KIF13A: variants seen among roughly 807,000 people sequenced by gnomAD.
The protein encoded by KIF13A is kinesin family member 13A.
Under a neutral mutation model 212.2 loss-of-function variants are expected in KIF13A, and 79 were observed. The observed-to-expected ratio is 0.37, with a 90% CI of 0.31 to 0.45. The LOEUF (loss-of-function observed/expected upper bound fraction) is 0.45. KIF13A is among the 20% of genes least tolerant of loss of function. The pLI is 1.00. For synonymous variants in KIF13A, 789 were observed against 808.6 expected, an observed-to-expected ratio of 0.98 and a Z score of 0.41; for missense variants, 1,901 against 2,209.0, an observed-to-expected ratio of 0.86 and a Z score of 2.79.
At chr6:17,774,671 G>A (rs1187089272) in intron 35 of KIF13A, among the ~76,000 whole-genome samples, 1 of 152,024 alleles carries the variant, frequency 6.6e-6, no homozygotes, top group Non-Finnish European at 1.5e-5. Flanking sequence ...TACTCGGGAG[G>A]CTGAGGCAGG....
Position 17,940,817 on chromosome 6 carries a change from A to AT in KIF13A, c.147-42638dup, listed in dbSNP as rs11325656. 9.3e-3 allele frequency among the ~76,000 whole-genome samples: 1,297 copies of AT among 140,190 alleles called. 45 individuals are homozygous for AT. The highest frequency in any genetic ancestry group is 0.042 in the Admixed American group (565 of 13,396). The allele number at this position is 140,190 out of a possible 152,430, so 92.0% of individuals were successfully genotyped here. ...GTTAGGACTTAACACATGTAAATTT[A>AT]TTTTTTTTTTTTTTTTTTTTTTTTT... On this transcript the variant is annotated intron_variant, in intron 2 of 38. Coordinates refer to ENST00000259711, the MANE Select transcript of KIF13A (RefSeq NM_022113.6).
At chr6:17,857,680 G>C (rs1409129157) in intron 4 of KIF13A, among the ~76,000 whole-genome samples, 2 of 152,162 alleles carry the variant, frequency 1.3e-5, no homozygotes, top group African/African-American at 4.8e-5. Flanking sequence ...TGAGGAAATA[G>C]GTATTTTCAT....
chr6:17,779,249 A>ATG, intron 32 of KIF13A, 150 bp from the exon 33 acceptor site: 1 of 22,650 alleles, frequency 4.4e-5, no homozygotes, highest in Non-Finnish European at 1.3e-4. Context: ...ATATATATAT[A>ATG]TATATATATT....
At chr6:17,946,558 G>A (rs1222293484) in intron 2 of KIF13A, among the ~76,000 whole-genome samples, 1 of 152,020 alleles carries the variant, frequency 6.6e-6, no homozygotes, top group Admixed American at 6.6e-5. Context: ...CTTTTATGCA[G>A]GAAATGCAAA....
rs1299285361 is a variant in KIF13A at position 17,799,942 on chromosome 6, G to A, written c.2616+10C>T. 2 of 1,612,784 alleles carry A rather than the reference G, an allele frequency of 1.2e-6. No individual in the cohort carries two copies. Among genetic ancestry groups the A allele is most frequent in the Middle Eastern group, 1.7e-4 (1 of 6,056 alleles). ...TCATTTATATGAGCCTCCCATCACT[G>A]TCCTCTCACCCGACATGTCAGCTTT... On this transcript the variant is annotated intron_variant, in intron 21 of 38. Coordinates refer to ENST00000259711, the MANE Select transcript of KIF13A (RefSeq NM_022113.6). The surrounding 1 kb of genome is among the most constrained non-coding windows in gnomAD (Gnocchi z 4.4).
downstream of KIF13A, among the ~76,000 whole-genome samples, chr6:17,762,620 C>T (rs1758638870): frequency 6.6e-6 from 1 of 152,188 alleles, no homozygotes; most frequent in African/African-American, 2.4e-5. Context: ...ATTAAAGAGT[C>T]TTTGACACTG....
At chr6:17,966,834 G>C (rs1261272592) in intron 2 of KIF13A, among the ~76,000 whole-genome samples, 2 of 151,970 alleles carry the variant, frequency 1.3e-5, no homozygotes, top group Non-Finnish European at 2.9e-5. Context: ...TTGAGTATTT[G>C]CTGTAAATAC....
chr6:17,806,973 C>T (rs937241519), intron 18 of KIF13A, among the ~76,000 whole-genome samples: 3 of 152,176 alleles, frequency 2.0e-5, no homozygotes, highest in South Asian at 2.1e-4. Context: ...ATTTCATGGA[C>T]GTTTATCAGT....
In KIF13A at chr6:17,954,855, T is replaced by G. The variant is rs140888903; in HGVS notation, c.146+32199A>C. On this transcript the variant is annotated intron_variant, in intron 2 of 38. Coordinates refer to ENST00000259711, the MANE Select transcript of KIF13A (RefSeq NM_022113.6). The stretch of plus-strand genomic sequence containing the variant: ...CACCTGGCTAATTAAGAAAAAAAAT[T>G]TTTTTAAGAGACGGGGTCTTGCTAT... Among the ~76,000 whole-genome samples the G allele has an allele frequency of 1.4e-3, 210 of 152,150 alleles. 3 individuals are homozygous for G. Among genetic ancestry groups the G allele is most frequent in the Admixed American group, 0.012 (177 of 15,270 alleles).
Position 17,783,785 on chromosome 6 carries a change from G to T in KIF13A, c.3489-84C>A. On this transcript the variant is annotated intron_variant, in intron 28 of 38. Transcript: ENST00000259711. This position sits in a 1 kb window ranked among gnomAD's most constrained non-coding sequence, Gnocchi z 4.3. ...GATAAAACACCACAGAGCTGTGGAA[G>T]CAAAGAGAACCATGGTGGAGATGCA... 1 of 898,984 alleles carries T rather than the reference G, an allele frequency of 1.1e-6. No homozygotes were observed. Among genetic ancestry groups the T allele is most frequent in the South Asian group, 1.4e-5 (1 of 70,872 alleles). 55.7% of individuals were successfully genotyped at this position (898,984 alleles called of 1,614,324 possible). A position where few individuals can be genotyped will look rare whatever the true frequency, so the allele number is the denominator to read the frequency against.
chr6:17,794,647 C>G lies in KIF13A; in HGVS notation c.3000G>C (p.Glu1000Asp), dbSNP rs936651146. The stretch of plus-strand genomic sequence containing the variant: ...GTTCCACTGCAGCATACTCTCCTAA[C>G]TCATTCAATTCTAATATGGAGATCC... ...EMWISILELN[E>D]LGEYAAVELH... Residue 1000 changes from glutamate to aspartate, a missense_variant, in exon 24 of 39, where the codon GAG (glutamate) becomes GAC (aspartate). Glu to Asp is a conservative substitution (Grantham distance 45). Transcript: ENST00000259711. The surrounding 1 kb of genome is among the most constrained non-coding windows in gnomAD (Gnocchi z 4.1). 5.0e-6 allele frequency: 8 copies of G among 1,613,106 alleles called. No individual in the cohort carries two copies. In the African/African-American group the frequency reaches 1.1e-4, roughly 22 times the overall value.
At chr6:17,962,276 A>G (rs932914748) in intron 2 of KIF13A, among the ~76,000 whole-genome samples, 1 of 151,956 alleles carries the variant, frequency 6.6e-6, no homozygotes, top group Non-Finnish European at 1.5e-5. Flanking sequence ...GCGCCAGTGC[A>G]CTCCAGTCTA....
rs946125036 is a variant in KIF13A at position 17,963,951 on chromosome 6, G to A, written c.146+23103C>T. On this transcript the variant is annotated intron_variant, in intron 2 of 38. Coordinates refer to ENST00000259711, the MANE Select transcript of KIF13A (RefSeq NM_022113.6). The surrounding 1 kb of genome is among the most constrained non-coding windows in gnomAD (Gnocchi z 4.1). ...ACCCTTAAAATGGGTGCATTTTATCGTAGATAAATTTACACCTCAGCTAGG... is the reference window on the plus strand; with the variant it reads ...ACCCTTAAAATGGGTGCATTTTATCATAGATAAATTTACACCTCAGCTAGG... Among the ~76,000 whole-genome samples the A allele has an allele frequency of 5.3e-5, 8 of 152,114 alleles. No homozygotes were observed. The highest frequency in any genetic ancestry group is 1.2e-4 in the African/African-American group (5 of 41,416).
Position 17,850,778 on chromosome 6 carries a change from T to C in KIF13A, c.583-321A>G, listed in dbSNP as rs1202243971. 3.9e-5 allele frequency among the ~76,000 whole-genome samples: 6 copies of C among 152,174 alleles called. No homozygotes were observed. The highest frequency in any genetic ancestry group is 8.8e-5 in the Non-Finnish European group (6 of 68,034). ...ATAATCAATAATAGCAGTGACTTGA[T>C]TTAACTCTTACTCTCCTGTGCTTAC... On this transcript the variant is annotated intron_variant, in intron 7 of 38. Transcript: ENST00000259711. The surrounding 1 kb of genome is among the most constrained non-coding windows in gnomAD (Gnocchi z 6.2).
chr6:17,915,953 AT>A lies in KIF13A; in HGVS notation c.147-17774del, dbSNP rs747922490. 0.038 allele frequency among the ~76,000 whole-genome samples: 5,296 copies of A among 140,484 alleles called. 130 individuals are homozygous for A. The highest frequency in any genetic ancestry group is 0.096 in the East Asian group (418 of 4,340). The allele number at this position is 140,484 out of a possible 152,430, so 92.2% of individuals were successfully genotyped here. On this transcript the variant is annotated intron_variant, in intron 2 of 38. Coordinates refer to ENST00000259711, the MANE Select transcript of KIF13A (RefSeq NM_022113.6). The surrounding 1 kb of genome is among the most constrained non-coding windows in gnomAD (Gnocchi z 4.4). ...GCCAGTCTCAAAAAAAAAAATAAAA[AT>A]AAAAATAAAATAAAATAAAATAAAT...
rs565172507 is a variant in KIF13A at position 17,886,404 on chromosome 6, G to T, written c.159+11764C>A. On this transcript the variant is annotated intron_variant, in intron 3 of 38. Coordinates refer to ENST00000259711, the MANE Select transcript of KIF13A (RefSeq NM_022113.6). This position sits in a 1 kb window ranked among gnomAD's most constrained non-coding sequence, Gnocchi z 5.6. ...AAACATTTACTCCCAGTTAAGTTACGCTGCAAAGGACTGATGAAGAGTTCA... is the reference window on the plus strand; with the variant it reads ...AAACATTTACTCCCAGTTAAGTTACTCTGCAAAGGACTGATGAAGAGTTCA... Among the ~76,000 whole-genome samples the T allele has an allele frequency of 6.6e-6, 1 of 152,294 alleles. No homozygotes were observed. Among genetic ancestry groups the T allele is most frequent in the South Asian group, 2.1e-4 (1 of 4,826 alleles).
intron 2 of KIF13A, among the ~76,000 whole-genome samples, chr6:17,955,094 T>C (rs1382508802): frequency 6.6e-6 from 1 of 152,172 alleles, no homozygotes; most frequent in African/African-American, 2.4e-5. Flanking sequence ...CCTCCCAAAG[T>C]GCTGAGATTA....
At chr6:17,874,300 G>T (rs1330052039) in intron 3 of KIF13A, among the ~76,000 whole-genome samples, 9 of 6,756 alleles carry the variant, frequency 1.3e-3, no homozygotes, top group African/African-American at 4.9e-3. Context: ...GGTGGTGGTG[G>T]GGGGGGTTCT....
At chr6:17,958,651 A>G (rs1362613117) in intron 2 of KIF13A, among the ~76,000 whole-genome samples, 6 of 152,208 alleles carry the variant, frequency 3.9e-5, no homozygotes, top group Non-Finnish European at 8.8e-5. Flanking sequence ...CAAATTTGAC[A>G]GTTTTATTCC....
Sources: gnomAD v4.1 joint callset for allele counts (sites outside exome capture counted in the v4.1 genomes callset) on GRCh38, gnomAD v4.1.1 for gene constraint, Gnocchi (gnomAD v3.1) non-coding constraint, MANE v1.5 for transcripts, NCBI Gene and HGNC (gene_info 2026-07-23, HGNC 2026-07-21) for gene names.